The following ARFIP1 variants were observed in gnomAD, a reference collection of about 807,000 sequenced individuals.
ARFIP1 encodes ARF interacting protein 1.
In ARFIP1, 24 loss-of-function variants were observed where a neutral mutation model predicts 42.5. That is an observed-to-expected ratio of 0.57 (90% CI 0.41 to 0.80). The LOEUF (loss-of-function observed/expected upper bound fraction) is 0.80. Among genes scored for constraint, ARFIP1 ranks in the 30% least tolerant of loss-of-function variants. ARFIP1 has a pLI of 0.00. For synonymous variants in ARFIP1, 141 were observed against 153.7 expected, an observed-to-expected ratio of 0.92 and a Z score of 0.61; for missense variants, 354 against 434.0, an observed-to-expected ratio of 0.82 and a Z score of 1.64.
intron 1 of ARFIP1, chr4:152,807,098 A>C (rs1729048439): frequency 6.6e-6 from 1 of 152,056 alleles, no homozygotes; most frequent in Non-Finnish European, 1.5e-5. Context: ...TGTTGCATGC[A>C]TCAGTAGTTC....
chr4:152,799,572 G>T (rs116408387), intron 1 of ARFIP1, among the ~76,000 whole-genome samples: 2 of 152,192 alleles, frequency 1.3e-5, no homozygotes, highest in Non-Finnish European at 1.5e-5. Flanking sequence ...TATTCCTTGC[G>T]GGGGATTCAG....
chr4:152,838,814 A>G (rs898550470), intron 2 of ARFIP1, among the ~76,000 whole-genome samples: 1 of 152,112 alleles, frequency 6.6e-6, no homozygotes, highest in Non-Finnish European at 1.5e-5. Flanking sequence ...TTCCAGTACT[A>G]TGTTGAAGAG....
At chr4:152,888,057 T>C in intron 7 of ARFIP1, 76 bp from the exon 8 acceptor site, 1 of 1,145,198 alleles carries the variant, frequency 8.7e-7, no homozygotes, top group Admixed American at 2.5e-5. Context: ...AGACTGAATA[T>C]TACGTATTTC....
At chr4:152,830,509 C>T (rs533265620) in intron 2 of ARFIP1, among the ~76,000 whole-genome samples, 40 of 152,124 alleles carry the variant, frequency 2.6e-4, no homozygotes, top group African/African-American at 4.8e-4. Context: ...ACAGAGTTTT[C>T]GTATTTTTGA....
intron 5 of ARFIP1, among the ~76,000 whole-genome samples, chr4:152,878,270 T>G (rs1226600897): frequency 6.6e-6 from 1 of 152,236 alleles, no homozygotes; most frequent in Admixed American, 6.5e-5. Context: ...TTTCAGGGAC[T>G]CTGAGGAAGG....
At position 152,829,613 on chromosome 4, in the gene ARFIP1, C is replaced by G; in HGVS notation, c.-9-12C>G. 2 of 1,577,158 alleles carry G rather than the reference C, an allele frequency of 1.3e-6. No homozygotes were observed. The highest frequency in any genetic ancestry group is 1.7e-6 in the Non-Finnish European group (2 of 1,163,262). ...TATTAGTTACGGCGCTTTTTTTCTT[C>G]TTTTGTTTTAGGAGTCTACCATGGC... On this transcript the variant is annotated splice_polypyrimidine_tract_variant and intron_variant, in intron 1 of 8. Transcript: ENST00000353617.
intron 1 of ARFIP1, among the ~76,000 whole-genome samples, chr4:152,793,514 G>T (rs956488646): frequency 6.6e-6 from 1 of 151,838 alleles, no homozygotes; most frequent in Non-Finnish European, 1.5e-5. Context: ...TGAAACTGTG[G>T]ATAGTCCCAA....
At chr4:152,889,679 ATAAT>A (rs1223606248) in intron 8 of ARFIP1, among the ~76,000 whole-genome samples, 1 of 130,074 alleles carries the variant, frequency 7.7e-6, no homozygotes, top group African/African-American at 2.9e-5. Context: ...TATATACTAT[ATAAT>A]ATATATATGC....
At chr4:152,897,983 CTTTTTT>C (rs766083303) in intron 8 of ARFIP1, among the ~76,000 whole-genome samples, 1 of 121,496 alleles carries the variant, frequency 8.2e-6, no homozygotes, top group Non-Finnish European at 1.7e-5. Context: ...TTGCAATGTT[CTTTTTT>C]TTTTTTTTTT....
intron 2 of ARFIP1, among the ~76,000 whole-genome samples, chr4:152,849,089 A>G (rs1286640442): frequency 1.3e-5 from 2 of 152,172 alleles, no homozygotes. Flanking sequence ...TATAGGCTAT[A>G]CTTTTAATAC....
rs66556811 is a variant in ARFIP1 at position 152,823,776 on chromosome 4, C to CA, written c.-9-5821dup. Among the ~76,000 whole-genome samples the CA allele has an allele frequency of 4.4e-3, 275 of 63,098 alleles. 13 individuals are homozygous for CA. The highest frequency in any genetic ancestry group is 5.0e-3 in the East Asian group (11 of 2,200). The allele number at this position is 63,098 out of a possible 152,430, so 41.4% of individuals were successfully genotyped here. A position where few individuals can be genotyped will look rare whatever the true frequency, so the allele number is the denominator to read the frequency against. ...TGGGCAACACAGCAAGTCTCCATCT[C>CA]AAAAAAAAAAAAAAAAAAAAAAAAA... On this transcript the variant is annotated intron_variant, in intron 1 of 8. Transcript: ENST00000353617.
At chr4:152,847,896 A>G (rs1732690847) in intron 2 of ARFIP1, among the ~76,000 whole-genome samples, 2 of 152,208 alleles carry the variant, frequency 1.3e-5, no homozygotes. Flanking sequence ...ACAAAAATCC[A>G]CTAATGTAGG....
chr4:152,846,206 T>A (rs776824239), intron 2 of ARFIP1, among the ~76,000 whole-genome samples: 1 of 151,460 alleles, frequency 6.6e-6, no homozygotes, highest in African/African-American at 2.4e-5. Context: ...ACGACTAGAG[T>A]AGGGAGGGAG....
At chr4:152,863,178 C>T (rs1734028351) in intron 2 of ARFIP1, among the ~76,000 whole-genome samples, 1 of 152,146 alleles carries the variant, frequency 6.6e-6, no homozygotes, top group Admixed American at 6.5e-5. Flanking sequence ...GGGAAATTAA[C>T]ATGGCAAGTG....
chr4:152,796,407 A>G (rs1731471312), intron 1 of ARFIP1: 2 of 738,760 alleles, frequency 2.7e-6, no homozygotes, highest in African/African-American at 1.7e-5. Context: ...ATCCTCTTCC[A>G]TGCCTTCTTC....
intron 1 of ARFIP1, among the ~76,000 whole-genome samples, chr4:152,780,755 AG>A (rs1454268308): frequency 2.0e-5 from 3 of 152,068 alleles, no homozygotes; most frequent in Non-Finnish European, 4.4e-5. Context: ...TTGGAAAGGG[AG>A]TTGTTCGATT....
chr4:152,893,271 A>G (rs1049871532), intron 8 of ARFIP1, among the ~76,000 whole-genome samples: 1 of 151,994 alleles, frequency 6.6e-6, no homozygotes, highest in Non-Finnish European at 1.5e-5. Context: ...CAGAATCCTG[A>G]TTACCTCACT....
At chr4:152,791,967 G>T (rs1300169937) in intron 1 of ARFIP1, among the ~76,000 whole-genome samples, 2 of 152,160 alleles carry the variant, frequency 1.3e-5, no homozygotes, top group East Asian at 3.9e-4. Context: ...AGAAAAAACT[G>T]ATCTTACCAT....
intron 4 of ARFIP1, 23 bp from the exon 5 acceptor site, chr4:152,872,429 T>G: frequency 6.7e-7 from 1 of 1,489,758 alleles, no homozygotes; most frequent in Non-Finnish European, 9.3e-7. Context: ...TGGATTGTGT[T>G]TTTATCTTTT....
Sources: gnomAD v4.1 joint callset for allele counts (sites outside exome capture counted in the v4.1 genomes callset) on GRCh38, gnomAD v4.1.1 for gene constraint, MANE v1.5 for transcripts, NCBI Gene and HGNC (gene_info 2026-07-23, HGNC 2026-07-21) for gene names.